Variants in SENP6 observed in about 807,000 individuals in gnomAD.
The protein encoded by SENP6 is sentrin-specific protease 6.
Under a neutral mutation model 134.5 loss-of-function variants are expected in SENP6, and 41 were observed. The ratio of observed to expected loss-of-function variants is 0.30; its 90% CI spans 0.24 to 0.40. The LOEUF (loss-of-function observed/expected upper bound fraction) is 0.40, where lower values mean the gene tolerates loss of function less well. SENP6 is among the 10% of genes least tolerant of loss of function. The pLI is 1.00. For synonymous variants in SENP6, 395 were observed against 429.8 expected (o/e 0.92, Z 1.00); for missense variants, 1,248 against 1,312.5 (o/e 0.95, Z 0.76).
chr6:75,651,856 A>G (rs376121292), intron 7 of SENP6, among the ~76,000 whole-genome samples: 3 of 152,190 alleles, frequency 2.0e-5, no homozygotes, highest in East Asian at 1.9e-4. Context: ...TGGAACCAGC[A>G]TGGAAAACAC....
intron 3 of SENP6, among the ~76,000 whole-genome samples, chr6:75,632,744 T>C (rs996416944): frequency 1.3e-5 from 2 of 152,308 alleles, no homozygotes; most frequent in Admixed American, 1.3e-4. Context: ...ACTTCCAGAC[T>C]GAATATATCA....
At chr6:75,624,244 G>A (rs566655941) in intron 3 of SENP6, among the ~76,000 whole-genome samples, 1 of 152,180 alleles carries the variant, frequency 6.6e-6, no homozygotes, top group East Asian at 1.9e-4. Context: ...ATCTGTAAGA[G>A]TTCATAAAAA....
At position 75,718,092 on chromosome 6, in the gene SENP6, T is replaced by C. The variant is rs1473370046; in HGVS notation, c.*2498T>C. The C allele has an allele frequency of 7.3e-6, 1 of 137,206 alleles. No homozygotes were observed. The highest frequency in any genetic ancestry group is 2.4e-5 in the African/African-American group (1 of 40,818). 8.5% of individuals were successfully genotyped at this position (137,206 alleles called of 1,614,324 possible). A position where few individuals can be genotyped will look rare whatever the true frequency, so the allele number is the denominator to read the frequency against. Reference sequence around the variant, plus strand: ...GGTTTTATTTGAAAACATAAAATGATTCTCTAAATTACATCTTGTTTTAAG... The same window carrying C: ...GGTTTTATTTGAAAACATAAAATGACTCTCTAAATTACATCTTGTTTTAAG... On this transcript the variant is annotated 3_prime_UTR_variant, in exon 24 of 24. Coordinates refer to ENST00000447266, the MANE Select transcript of SENP6 (RefSeq NM_015571.4).
intron 6 of SENP6, chr6:75,646,887 T>A (rs1345967703): frequency 6.6e-6 from 1 of 152,204 alleles, no homozygotes; most frequent in Non-Finnish European, 1.5e-5. Context: ...TATTACTTTT[T>A]CTTTTGTTAT....
chr6:75,620,872 T>C (rs905634427), intron 1 of SENP6: 13 of 152,188 alleles, frequency 8.5e-5, no homozygotes, highest in African/African-American at 3.1e-4. Flanking sequence ...GCCTGGGTTC[T>C]AGGACATCAG....
intron 18 of SENP6, among the ~76,000 whole-genome samples, chr6:75,701,774 G>C (rs1252736445): frequency 1.3e-5 from 2 of 151,214 alleles, no homozygotes; most frequent in African/African-American, 4.9e-5. Context: ...CAAGTAGCTG[G>C]GACTACAGGC....
chr6:75,675,750 TAATA>T (rs932023652), intron 12 of SENP6, 106 bp from the exon 13 acceptor site: 9 of 1,006,910 alleles, frequency 8.9e-6, no homozygotes, highest in Non-Finnish European at 1.2e-5. Flanking sequence ...TTATAGAGCA[TAATA>T]AATATGTGCT....
rs779595864 is a variant in SENP6 at position 75,670,712 on chromosome 6, C to T, written c.1384C>T (p.Pro462Ser). 2.5e-6 allele frequency: 4 copies of T among 1,601,862 alleles called. No homozygotes were observed. Among genetic ancestry groups the T allele is most frequent in the Non-Finnish European group, 3.4e-6 (4 of 1,172,512 alleles). The change falls in exon 11 of 24, where the codon CCT (proline) becomes TCT (serine). Residue 462 changes from proline to serine, a missense_variant. By Grantham distance (74) the Pro-to-Ser change is moderately conservative (BLOSUM62 -1). Transcript: ENST00000447266. ...VGTLFRLLIE[P>S]VIFCLDFIKI... ...AACACTCTTCCGGCTGTTAATAGAGCCTGTAATTGTAAGTACATCTTAAGC... is the reference window on the plus strand; with the variant it reads ...AACACTCTTCCGGCTGTTAATAGAGTCTGTAATTGTAAGTACATCTTAAGC...
rs574727996 is a variant in SENP6, at chr6:75,687,372, T to C, written c.2076-8432T>C. 4.8e-4 allele frequency among the ~76,000 whole-genome samples: 73 copies of C among 152,256 alleles called. 2 individuals are homozygous for C. The South Asian group carries it at 9.5e-3, about 20-fold the overall frequency. ...TCCTTTAGCTCGGAGAAGTTTGTTA[T>C]TACTGACCTCCTGAAGCCTGCTTCT... On this transcript the variant is annotated intron_variant, in intron 16 of 23. Transcript: ENST00000447266.
At chr6:75,677,775 C>T (rs1582838185) in intron 14 of SENP6, 1 of 152,936 alleles carries the variant, frequency 6.5e-6, no homozygotes, top group South Asian at 2.0e-4. Flanking sequence ...CCACCTGAAG[C>T]AAAGGCCACA....
chr6:75,713,580 G>C lies in SENP6; in HGVS notation c.2977G>C (p.Glu993Gln), dbSNP rs749433980. ...GTCAAATGTTGTCAAAATTTTAAGA[G>C]AGTAAGTTCACACTTTATTTCGTAT... Reference protein sequence around the residue: ...SRSNVVKILREYLEVEWEVKK... With the variant: ...SRSNVVKILRQYLEVEWEVKK... Residue 993 changes from glutamate (E) to glutamine (Q), a missense_variant and splice_region_variant, in exon 22 of 24, where the codon GAG (glutamate) becomes CAG (glutamine). By Grantham distance (29) the Glu-to-Gln change is conservative. Around this residue, in one of 3 missense-constraint regions of SENP6, gnomAD observed 386 missense variants for 395.0 expected, o/e 0.98. Transcript: ENST00000447266. 3 of 1,613,296 alleles carry C rather than the reference G, an allele frequency of 1.9e-6. No homozygotes were observed. In the East Asian group the frequency reaches 6.7e-5, roughly 36 times the overall value.
chr6:75,664,009 CTAGAG>C (rs928812722), intron 9 of SENP6, among the ~76,000 whole-genome samples: 2 of 152,104 alleles, frequency 1.3e-5, no homozygotes, highest in Admixed American at 6.5e-5. Flanking sequence ...GACTGGTTGA[CTAGAG>C]TATACAGCGT....
intron 6 of SENP6, chr6:75,646,398 G>T (rs1218499205): frequency 6.6e-6 from 1 of 152,104 alleles, no homozygotes; most frequent in East Asian, 1.9e-4. Flanking sequence ...TGTGACCATG[G>T]ACAAGTTGAT....
At chr6:75,612,419 A>T (rs974490753) in intron 1 of SENP6, among the ~76,000 whole-genome samples, 1 of 151,928 alleles carries the variant, frequency 6.6e-6, no homozygotes, top group African/African-American at 2.4e-5. Flanking sequence ...GCAGTCTCAA[A>T]CTCCTGGGCT....
At chr6:75,634,660 T>C in intron 4 of SENP6, 47 bp from the exon 5 acceptor site, 1 of 1,067,158 alleles carries the variant, frequency 9.4e-7, no homozygotes, top group Middle Eastern at 2.1e-4. Flanking sequence ...TAAATGTGTA[T>C]ATAATTTTTC....
intron 5 of SENP6, among the ~76,000 whole-genome samples, chr6:75,635,520 C>T (rs546132625): frequency 1.1e-4 from 16 of 152,212 alleles, no homozygotes; most frequent in African/African-American, 2.2e-4. Context: ...TTAGAAGACA[C>T]GTCCTGAACC....
At position 75,602,493 on chromosome 6, in the gene SENP6, G is replaced by A; in HGVS notation, c.-32G>A. ...GAGCACGGCGGCGGTGTGGGCCATGGATTAAGAAGGAGGCGGCGTGGGAGG... is the reference window on the plus strand; with the variant it reads ...GAGCACGGCGGCGGTGTGGGCCATGAATTAAGAAGGAGGCGGCGTGGGAGG... On this transcript the variant is annotated 5_prime_UTR_variant, in exon 1 of 24. Transcript: ENST00000447266. 6.4e-7 allele frequency: 1 copy of A among 1,550,692 alleles called. No homozygotes were observed. The highest frequency in any genetic ancestry group is 8.7e-7 in the Non-Finnish European group (1 of 1,146,830).
At position 75,623,998 on chromosome 6, in the gene SENP6, T is replaced by G. The variant is rs1369197867; in HGVS notation, c.207+38T>G. ...TAAAATATTTTCTTCTTTTACATTA[T>G]ATACAAAAAAATTGTTACCTCAAAA... On this transcript the variant is annotated intron_variant, in intron 3 of 23. Transcript: ENST00000447266. 6 of 1,508,260 alleles carry G rather than the reference T, an allele frequency of 4.0e-6. No homozygotes were observed. In the South Asian group the frequency reaches 6.0e-5, roughly 15 times the overall value. 93.4% of individuals were successfully genotyped at this position (1,508,260 alleles called of 1,614,324 possible).
intron 3 of SENP6, among the ~76,000 whole-genome samples, chr6:75,629,050 G>A (rs2149834775): frequency 6.6e-6 from 1 of 152,146 alleles, no homozygotes; most frequent in East Asian, 1.9e-4. Context: ...TGAGTTAAAT[G>A]CCAAAAATGA....
Sources: gnomAD v4.1 joint callset for allele counts (sites outside exome capture counted in the v4.1 genomes callset) on GRCh38, gnomAD v4.1.1 for gene constraint, gnomAD v4.1.1 regional missense constraint, MANE v1.5 for transcripts, NCBI Gene and HGNC (gene_info 2026-07-23, HGNC 2026-07-21) for gene names.